The following STAT4 variants were observed in gnomAD, a reference collection of about 807,000 sequenced individuals.
The protein encoded by STAT4 is signal transducer and activator of transcription 4.
STAT4 carries 42 observed loss-of-function variants against 110.5 expected under a neutral mutation model. That is an observed-to-expected ratio of 0.38 (90% CI 0.30 to 0.49). STAT4 has a LOEUF of 0.49. Ranked by LOEUF, STAT4 falls within the 20% of genes least tolerant of loss-of-function variation. The pLI, the probability that STAT4 is intolerant of heterozygous loss-of-function variation, is 0.95. For missense variants in STAT4, 632 were observed against 887.9 expected (o/e 0.71, Z 3.66); for synonymous variants, 284 against 302.2 (o/e 0.94, Z 0.63).
At chr2:191,093,855 C>T (rs10207044) in intron 3 of STAT4, among the ~76,000 whole-genome samples, 14,718 of 152,078 alleles carry the variant, frequency 0.097, 951 homozygotes, top group Middle Eastern at 0.17. Flanking sequence ...AAAGATTAGA[C>T]GAATGGCTAA....
intron 3 of STAT4, among the ~76,000 whole-genome samples, chr2:191,130,726 T>C (rs561973041): frequency 1.3e-5 from 2 of 151,780 alleles, no homozygotes; most frequent in Admixed American, 6.5e-5. Context: ...TTTGTTTCCG[T>C]GATTTCTTTT....
At position 191,090,038 on chromosome 2, in the gene STAT4, T is replaced by G. The variant is rs1289457620; in HGVS notation, c.274-13713A>C. Reference sequence around the variant, plus strand: ...ACATAGAACATATAGTGAGCCCTAATGTAAATTATGGGACTTTAGTTAATA... The same window carrying G: ...ACATAGAACATATAGTGAGCCCTAAGGTAAATTATGGGACTTTAGTTAATA... On this transcript the variant is annotated intron_variant, in intron 3 of 23. Coordinates refer to ENST00000392320, the MANE Select transcript of STAT4 (RefSeq NM_003151.4). This position sits in a 1 kb window ranked among gnomAD's most constrained non-coding sequence, Gnocchi z 4.2. Among the ~76,000 whole-genome samples the G allele has an allele frequency of 6.6e-6, 1 of 152,130 alleles. No individual in the cohort carries two copies. The highest frequency in any genetic ancestry group is 2.4e-5 in the African/African-American group (1 of 41,418).
At chr2:191,094,018 G>A (rs1697886040) in intron 3 of STAT4, among the ~76,000 whole-genome samples, 1 of 152,152 alleles carries the variant, frequency 6.6e-6, no homozygotes. Context: ...ATGAAATAAA[G>A]CAAGAAGAGA....
Position 191,030,763 on chromosome 2 carries a change from TTAAG to T in STAT4, c.2220+205_2220+208del. ...TCTGGTGGAAACAACGTAAAGCAGTTTAAGTAACTGAAGGTGTCTGCTTTCAATA... is the reference window on the plus strand; with the variant it reads ...TCTGGTGGAAACAACGTAAAGCAGTTTAACTGAAGGTGTCTGCTTTCAATA... On this transcript the variant is annotated intron_variant, in intron 23 of 23. Coordinates refer to ENST00000392320, the MANE Select transcript of STAT4 (RefSeq NM_003151.4). The surrounding 1 kb of genome is among the most constrained non-coding windows in gnomAD (Gnocchi z 4.4). 2.0e-6 allele frequency: 1 copy of T among 494,028 alleles called. No individual in the cohort carries two copies. The highest frequency in any genetic ancestry group is 3.7e-6 in the Non-Finnish European group (1 of 272,912). The allele number at this position is 494,028 out of a possible 1,614,324, so 30.6% of individuals were successfully genotyped here.
In STAT4 at chr2:191,077,674, C is replaced by T. The variant is rs1697354219; in HGVS notation, c.274-1349G>A. Among the ~76,000 whole-genome samples, 1 of 151,980 alleles carries T rather than the reference C, an allele frequency of 6.6e-6. No individual in the cohort carries two copies. Among genetic ancestry groups the T allele is most frequent in the Admixed American group, 6.6e-5 (1 of 15,256 alleles). On this transcript the variant is annotated intron_variant, in intron 3 of 23. Transcript: ENST00000392320. This position sits in a 1 kb window ranked among gnomAD's most constrained non-coding sequence, Gnocchi z 4.1. ...ACTTTTTTGACTTTGACTTTGCTGC[C>T]ACAATTTTATTAAATGATGTCTGTT...
chr2:191,090,095 A>G lies in STAT4; in HGVS notation c.274-13770T>C, dbSNP rs944587493. Among the ~76,000 whole-genome samples, 8 of 152,180 alleles carry G rather than the reference A, an allele frequency of 5.3e-5. No individual in the cohort carries two copies. Among genetic ancestry groups the G allele is most frequent in the Non-Finnish European group, 8.8e-5 (6 of 68,034 alleles). On this transcript the variant is annotated intron_variant, in intron 3 of 23. Coordinates refer to ENST00000392320, the MANE Select transcript of STAT4 (RefSeq NM_003151.4). This position sits in a 1 kb window ranked among gnomAD's most constrained non-coding sequence, Gnocchi z 4.2. The stretch of plus-strand genomic sequence containing the variant: ...TAATATTGTAATAATATAAAATTGT[A>G]ACAAGTACATCACACTAATGTAAGA...
chr2:191,043,074 C>T lies in STAT4; in HGVS notation c.1252-1926G>A, dbSNP rs11678704. Among the ~76,000 whole-genome samples the T allele has an allele frequency of 1.3e-5, 2 of 152,288 alleles. No individual in the cohort carries two copies. Among genetic ancestry groups the T allele is most frequent in the East Asian group, 1.9e-4 (1 of 5,182 alleles). ...GATTACAGGCGTGAGCCACTGCGCC[C>T]GGCCGTATTCTCTATTCCTGTATAT... On this transcript the variant is annotated intron_variant, in intron 14 of 23. Coordinates refer to ENST00000392320, the MANE Select transcript of STAT4 (RefSeq NM_003151.4). The surrounding 1 kb of genome is among the most constrained non-coding windows in gnomAD (Gnocchi z 4.8).
At chr2:191,130,370 C>T (rs1263122204) in intron 3 of STAT4, among the ~76,000 whole-genome samples, 2 of 151,632 alleles carry the variant, frequency 1.3e-5, no homozygotes, top group African/African-American at 4.9e-5. Context: ...CTACAGGCAC[C>T]TGCCACCACG....
At chr2:191,075,845 T>C (rs1320267966) in intron 4 of STAT4, among the ~76,000 whole-genome samples, 6 of 148,514 alleles carry the variant, frequency 4.0e-5, no homozygotes, top group Non-Finnish European at 8.9e-5. Context: ...TTCTTTTTTT[T>C]TTTTTTTTTT....
intron 3 of STAT4, among the ~76,000 whole-genome samples, chr2:191,079,607 T>C (rs183197089): frequency 6.6e-6 from 1 of 152,252 alleles, no homozygotes; most frequent in East Asian, 1.9e-4. Context: ...TTTCTGCATA[T>C]ACAAATCATA....
intron 3 of STAT4, among the ~76,000 whole-genome samples, chr2:191,132,355 T>C (rs1699059308): frequency 6.6e-6 from 1 of 151,760 alleles, no homozygotes. Context: ...AGTCAGGGTG[T>C]CCTTTACAGT....
At chr2:191,036,084 A>G in intron 17 of STAT4, 80 bp downstream of exon 17, 1 of 1,474,654 alleles carries the variant, frequency 6.8e-7, no homozygotes, top group Non-Finnish European at 9.2e-7. Flanking sequence ...TATTATTAGT[A>G]GTAGTAATAG....
rs907694151 is a variant in STAT4 at position 191,083,038 on chromosome 2, A to G, written c.274-6713T>C. Among the ~76,000 whole-genome samples the G allele has an allele frequency of 2.0e-5, 3 of 152,160 alleles. No individual in the cohort carries two copies. The highest frequency in any genetic ancestry group is 2.1e-4 in the South Asian group (1 of 4,826). On this transcript the variant is annotated intron_variant, in intron 3 of 23. Transcript: ENST00000392320. This position sits in a 1 kb window ranked among gnomAD's most constrained non-coding sequence, Gnocchi z 4.6. ...AGGTCCCAGGTCAAATAAAGGGAGAATTTTCTAGAGGGCCTGAAACAGGAG... is the reference window on the plus strand; with the variant it reads ...AGGTCCCAGGTCAAATAAAGGGAGAGTTTTCTAGAGGGCCTGAAACAGGAG...
At chr2:191,141,007 T>C (rs1354562806) in intron 3 of STAT4, among the ~76,000 whole-genome samples, 10 of 152,112 alleles carry the variant, frequency 6.6e-5, no homozygotes, top group African/African-American at 2.4e-4. Flanking sequence ...AAATATCATA[T>C]GTTCTCACAA....
intron 3 of STAT4, among the ~76,000 whole-genome samples, chr2:191,076,577 A>C (rs527918468): frequency 6.6e-6 from 1 of 151,956 alleles, no homozygotes; most frequent in South Asian, 2.1e-4. Context: ...GTTCTCGAGC[A>C]CCTTTTTAGG....
chr2:191,034,399 G>T, intron 18 of STAT4, 149 bp downstream of exon 18: 2 of 599,842 alleles, frequency 3.3e-6, no homozygotes, highest in Non-Finnish European at 2.9e-6. Context: ...CTCCAGCCTG[G>T]GTGACAGAGC....
At chr2:191,145,606 A>G (rs1699441763) in intron 3 of STAT4, among the ~76,000 whole-genome samples, 1 of 152,238 alleles carries the variant, frequency 6.6e-6, no homozygotes, top group Non-Finnish European at 1.5e-5. Flanking sequence ...GGGGATTACA[A>G]GGGCAAAGAT....
Position 191,066,688 on chromosome 2 carries a change from C to G in STAT4, c.545-173G>C, listed in dbSNP as rs139894931. 1.2e-3 allele frequency among the ~76,000 whole-genome samples: 179 copies of G among 152,258 alleles called. 3 individuals are homozygous for G. Among genetic ancestry groups the G allele is most frequent in the African/African-American group, 4.0e-3 (165 of 41,550 alleles). ...GTCTGCTCATTTTGCCAGGGAGAAT[C>G]ACATCCAAGCATGCAAAAAAGGACC... On this transcript the variant is annotated intron_variant, in intron 6 of 23. Coordinates refer to ENST00000392320, the MANE Select transcript of STAT4 (RefSeq NM_003151.4). The surrounding 1 kb of genome is among the most constrained non-coding windows in gnomAD (Gnocchi z 4.3).
Position 191,031,561 on chromosome 2 carries a change from T to A in STAT4, c.2045-45A>T. The A allele has an allele frequency of 6.5e-7, 1 of 1,531,716 alleles. No homozygotes were observed. The highest frequency in any genetic ancestry group is 9.0e-7 in the Non-Finnish European group (1 of 1,112,298). 94.9% of individuals were successfully genotyped at this position (1,531,716 alleles called of 1,614,324 possible). ...AATGTTGGGGAAAAAAATGTCAATA[T>A]TATCAATAAAACTGGGGAAAAAAGA... On this transcript the variant is annotated intron_variant, in intron 21 of 23. Transcript: ENST00000392320. The surrounding 1 kb of genome is among the most constrained non-coding windows in gnomAD (Gnocchi z 4.8).
Sources: gnomAD v4.1 joint callset for allele counts (sites outside exome capture counted in the v4.1 genomes callset) on GRCh38, gnomAD v4.1.1 for gene constraint, Gnocchi (gnomAD v3.1) non-coding constraint, MANE v1.5 for transcripts, NCBI Gene and HGNC (gene_info 2026-07-23, HGNC 2026-07-21) for gene names.